PDCD2: variants seen among roughly 807,000 people sequenced by gnomAD.
PDCD2 encodes uS5 assembly chaperone PDCD2.
A neutral mutation model predicts 38.1 loss-of-function variants in PDCD2; 38 were observed. That is an observed-to-expected ratio of 1.00 (90% CI 0.77 to 1.31). The LOEUF is 1.31. PDCD2 is among the 50% of genes most tolerant of loss of function. PDCD2 has a pLI of 0.00. For synonymous variants in PDCD2, 205 were observed against 168.9 expected, an observed-to-expected ratio of 1.21 and a Z score of -1.66; for missense variants, 473 against 435.7, an observed-to-expected ratio of 1.09 and a Z score of -0.76.
chr6:170,580,575 C>T (rs959224133), intron 3 of PDCD2, among the ~76,000 whole-genome samples: 3 of 152,166 alleles, frequency 2.0e-5, no homozygotes, highest in East Asian at 1.9e-4. Flanking sequence ...ATTAGCCAGA[C>T]GTGGTGGTAG....
At chr6:170,583,954 A>G (rs1779716956) in intron 1 of PDCD2, 1 of 585,934 alleles carries the variant, frequency 1.7e-6, no homozygotes, top group African/African-American at 1.9e-5. Context: ...AGTTAATCAA[A>G]TTAATAAGAC....
chr6:170,583,568 AGTAATATGCTTT>A lies in PDCD2; in HGVS notation c.451_462del (p.Lys151_Tyr154del). On this transcript the variant is annotated inframe_deletion, in exon 2 of 6. Transcript: ENST00000541970. ...TCTAGGGTCTGATGCTCCTTGCTGC[AGTAATATGCTTT>A]GTGGCATCTGGAGCACGTTTTGGGG... 1.2e-6 allele frequency: 2 copies of A among 1,613,878 alleles called. No homozygotes were observed. Among genetic ancestry groups the A allele is most frequent in the Non-Finnish European group, 1.7e-6 (2 of 1,179,804 alleles).
rs1373573342 is a variant in PDCD2 at position 170,576,560 on chromosome 6, G to C, written c.*999C>G. On this transcript the variant is annotated 3_prime_UTR_variant, in exon 6 of 6. Transcript: ENST00000541970. ...GAATTGTCAACTGTGAGCTGCTAGG[G>C]GATGGAAGAAACCTTAGTGTAGTCT... is the stretch of plus-strand genomic sequence containing the variant. 2.0e-5 allele frequency: 3 copies of C among 152,312 alleles called. No individual in the cohort carries two copies. The highest frequency in any genetic ancestry group is 4.4e-5 in the Non-Finnish European group (3 of 68,128). The allele number at this position is 152,312 out of a possible 1,614,324, so 9.4% of individuals were successfully genotyped here.
At position 170,583,040 on chromosome 6, in the gene PDCD2, G is replaced by A. The variant is rs763115351; in HGVS notation, c.658+17C>T. 6.0e-5 allele frequency: 97 copies of A among 1,605,598 alleles called. 1 individual carries two copies. Among genetic ancestry groups the A allele is most frequent in the Middle Eastern group, 1.8e-4 (1 of 5,640 alleles). On this transcript the variant is annotated intron_variant, in intron 3 of 5. Transcript: ENST00000541970. ...TATGTTTAACCACTTAATGAATGAAGTCCTGAAACTGCTTACCCATGCTCC... is the reference window on the plus strand; with the variant it reads ...TATGTTTAACCACTTAATGAATGAAATCCTGAAACTGCTTACCCATGCTCC...
intron 3 of PDCD2, chr6:170,580,978 G>A (rs1317778331): frequency 1.3e-5 from 2 of 152,182 alleles, no homozygotes; most frequent in Non-Finnish European, 2.9e-5. Context: ...GTTCCATCAA[G>A]TATACGTGGA....
At chr6:170,582,822 T>C (rs1779654970) in intron 3 of PDCD2, 1 of 1,338,152 alleles carries the variant, frequency 7.5e-7, no homozygotes, top group African/African-American at 1.5e-5. Flanking sequence ...GCAGCCCTAC[T>C]CATGGGACCA....
At position 170,580,002 on chromosome 6, in the gene PDCD2, C is replaced by A; in HGVS notation, c.762G>T (p.Gln254His). ...TGAGGAGCTATGAGCTCCACTTTAC[C>A]TGTTCTGGTTCAAGGGCTATCTGAG... Reference protein sequence around the residue: ...FKTQIALEPEQILRYGRGIAP... With the variant: ...FKTQIALEPEHILRYGRGIAP... The change falls in exon 4 of 6, where the codon CAG becomes CAT. Residue 254 changes from glutamine to histidine, a missense_variant and splice_region_variant. Coordinates refer to ENST00000541970, the MANE Select transcript of PDCD2 (RefSeq NM_002598.4). 1 of 1,486,688 alleles carries A rather than the reference C, an allele frequency of 6.7e-7. No individual in the cohort carries two copies. The highest frequency in any genetic ancestry group is 9.4e-7 in the Non-Finnish European group (1 of 1,063,822). The allele number at this position is 1,486,688 out of a possible 1,614,324, so 92.1% of individuals were successfully genotyped here.
rs776777804 is a variant in PDCD2, at chr6:170,575,607, A to T, written c.*1952T>A. Reference sequence around the variant, plus strand: ...TTGCTTAATGCATTTTTTAATTTAAATTTTTTATGTTGTACAGTTTATTTT... The same window carrying T: ...TTGCTTAATGCATTTTTTAATTTAATTTTTTTATGTTGTACAGTTTATTTT... On this transcript the variant is annotated 3_prime_UTR_variant, in exon 6 of 6. Coordinates refer to ENST00000541970, the MANE Select transcript of PDCD2 (RefSeq NM_002598.4). 1.3e-5 allele frequency: 2 copies of T among 152,134 alleles called. No individual in the cohort carries two copies. The highest frequency in any genetic ancestry group is 2.1e-4 in the South Asian group (1 of 4,830). 9.4% of individuals were successfully genotyped at this position (152,134 alleles called of 1,614,324 possible). A position where few individuals can be genotyped will look rare whatever the true frequency, so the allele number is the denominator to read the frequency against.
chr6:170,584,624 G>A lies in PDCD2; in HGVS notation c.-43C>T. 1.7e-6 allele frequency: 2 copies of A among 1,156,058 alleles called. No individual in the cohort carries two copies. Among genetic ancestry groups the A allele is most frequent in the African/African-American group, 1.6e-5 (1 of 62,294 alleles). The allele number at this position is 1,156,058 out of a possible 1,614,324, so 71.6% of individuals were successfully genotyped here. On this transcript the variant is annotated 5_prime_UTR_variant, in exon 1 of 6. Transcript: ENST00000541970. ...GTGGGGCGCAGCCCACAGCTGGGTCGGAAGGCGGAAATCGGGCGCCGGGCC... is the reference window on the plus strand; with the variant it reads ...GTGGGGCGCAGCCCACAGCTGGGTCAGAAGGCGGAAATCGGGCGCCGGGCC...
chr6:170,584,492 C>T lies in PDCD2; in HGVS notation c.90G>A (p.Lys30=). The T allele has an allele frequency of 1.5e-6, 2 of 1,335,900 alleles. No homozygotes were observed. The highest frequency in any genetic ancestry group is 1.9e-6 in the Non-Finnish European group (2 of 1,047,868). 82.8% of individuals were successfully genotyped at this position (1,335,900 alleles called of 1,614,324 possible). A position where few individuals can be genotyped will look rare whatever the true frequency, so the allele number is the denominator to read the frequency against. ...CCAGCCATGCCGGCCGCCCGCCCAC[C>T]TTGCTGGGGAACTGCTCGCTGCGCA... ...WRLRSEQFPS[K]VGGRPAWLGA... The change falls in exon 1 of 6, where the codon AAG becomes AAA. Residue 30 remains lysine, a synonymous_variant. Transcript: ENST00000541970.
chr6:170,583,594 C>T lies in PDCD2; in HGVS notation c.437G>A (p.Cys146Tyr), dbSNP rs372293466. 6.2e-7 allele frequency: 1 copy of T among 1,613,810 alleles called. No individual in the cohort carries two copies. The highest frequency in any genetic ancestry group is 8.5e-7 in the Non-Finnish European group (1 of 1,179,904). Reference protein sequence around the residue: ...RVCGCLGPKTCSRCHKAYYCS... With the variant: ...RVCGCLGPKTYSRCHKAYYCS... ...GTAATATGCTTTGTGGCATCTGGAGCACGTTTTGGGGCCTAAACAGCCACA... is the reference window on the plus strand; with the variant it reads ...GTAATATGCTTTGTGGCATCTGGAGTACGTTTTGGGGCCTAAACAGCCACA... Residue 146 changes from cysteine (C) to tyrosine (Y), a missense_variant, in exon 2 of 6, where the codon TGC (cysteine) becomes TAC (tyrosine). By Grantham distance (194) the Cys-to-Tyr change is radical (BLOSUM62 -2). Transcript: ENST00000541970.
At chr6:170,584,127 T>C in intron 1 of PDCD2, 172 bp downstream of exon 1, 1 of 679,494 alleles carries the variant, frequency 1.5e-6, no homozygotes, top group Non-Finnish European at 2.2e-6. Context: ...GTAGCAAAAA[T>C]GAGCACATCC....
chr6:170,578,086 A>C (rs1355394516), intron 5 of PDCD2, among the ~76,000 whole-genome samples: 1 of 152,210 alleles, frequency 6.6e-6, no homozygotes, highest in Admixed American at 6.5e-5. Context: ...TGAATACAGA[A>C]AGGACATCTA....
intron 3 of PDCD2, 147 bp downstream of exon 3, chr6:170,582,910 T>A: frequency 6.8e-7 from 1 of 1,477,710 alleles, no homozygotes; most frequent in South Asian, 1.4e-5. Context: ...AGGAAGTATA[T>A]TTTTACCTGA....
intron 3 of PDCD2, 46 bp from the exon 4 acceptor site, chr6:170,580,151 C>T (rs1234452435): frequency 1.7e-6 from 2 of 1,144,058 alleles, no homozygotes; most frequent in African/African-American, 3.0e-5. Context: ...GTAATCCCCA[C>T]AACTTGACAA....
At chr6:170,579,861 C>CA in intron 4 of PDCD2, 141 bp downstream of exon 4, 1 of 602,058 alleles carries the variant, frequency 1.7e-6, no homozygotes, top group Admixed American at 2.9e-5. Flanking sequence ...GTGAGGAACT[C>CA]CTCTAACAAG....
At chr6:170,584,126 A>G in intron 1 of PDCD2, 173 bp downstream of exon 1, 1 of 674,702 alleles carries the variant, frequency 1.5e-6, no homozygotes, top group East Asian at 3.4e-5. Flanking sequence ...TGTAGCAAAA[A>G]TGAGCACATC....
chr6:170,582,732 T>C (rs1336180904), intron 3 of PDCD2: 2 of 1,251,542 alleles, frequency 1.6e-6, no homozygotes, highest in Non-Finnish European at 2.0e-6. Flanking sequence ...TGCCCGACAC[T>C]GTGCTAGGCA....
At position 170,583,638 on chromosome 6, in the gene PDCD2, AC is replaced by A; in HGVS notation, c.392del (p.Gly131ValfsTer11). On this transcript the variant is annotated frameshift_variant, in exon 2 of 6. Transcript: ENST00000541970. LOFTEE classifies it high-confidence loss of function. Reference sequence around the variant, plus strand: ...AGCCACAAACCCTGCAGAGATGAGCACCAGACTTAAGCTGGAGACACACTGA... The same window carrying A: ...AGCCACAAACCCTGCAGAGATGAGCACAGACTTAAGCTGGAGACACACTGA... ...GESVCLQLKS[G>X]AHLCRVCGCL... The A allele has an allele frequency of 6.2e-7, 1 of 1,614,140 alleles. No homozygotes were observed.
Sources: allele counts gnomAD v4.1 joint callset (sites outside exome capture counted in the v4.1 genomes callset), GRCh38; gene constraint gnomAD v4.1.1; transcripts MANE v1.5; gene names NCBI Gene and HGNC (gene_info 2026-07-23, HGNC 2026-07-21).